Variants in NID2 observed in about 807,000 individuals in gnomAD.
NID2 encodes nidogen 2, also known as nidogen-2.
A neutral mutation model predicts 145.4 loss-of-function variants in NID2; 83 were observed. The ratio of observed to expected loss-of-function variants is 0.57; its 90% CI spans 0.48 to 0.69. NID2 has a LOEUF of 0.69. NID2 is among the 30% of genes least tolerant of loss of function. The pLI is 0.00. For synonymous variants in NID2, 739 were observed against 701.3 expected, an observed-to-expected ratio of 1.05 and a Z score of -0.85; for missense variants, 1,807 against 1,765.7, an observed-to-expected ratio of 1.02 and a Z score of -0.42.
chr14:52,045,854 C>G (rs920260698), intron 5 of NID2, among the ~76,000 whole-genome samples: 2 of 151,558 alleles, frequency 1.3e-5, no homozygotes, highest in African/African-American at 4.9e-5. Context: ...AGCTCTAGGA[C>G]TCAACCTCAG....
chr14:52,006,409 G>A, intron 20 of NID2, 128 bp downstream of exon 20: 1 of 924,202 alleles, frequency 1.1e-6, no homozygotes, highest in Non-Finnish European at 1.7e-6. Context: ...TGCCAATGAG[G>A]AGGTGATGAA....
At chr14:52,019,492 C>G (rs117114022) in intron 13 of NID2, among the ~76,000 whole-genome samples, 198 bp from the exon 14 acceptor site, 2,107 of 152,290 alleles carry the variant, frequency 0.014, 24 homozygotes, top group Non-Finnish European at 0.022. Context: ...CTAGCTGGCT[C>G]TAAGTGTAAA....
Position 52,038,796 on chromosome 14 carries a change from T to TTCG in NID2, c.2205_2207dup (p.Asp735dup), listed in dbSNP as rs1262161562. On this transcript the variant is annotated inframe_insertion, in exon 9 of 22. Coordinates refer to ENST00000216286, the MANE Select transcript of NID2 (RefSeq NM_007361.4). ...TCACAGCAAATCTAAGCACTCTTTC[T>TTCG]TCGTCATTATACAAGGCAAAGACCC... is the stretch of plus-strand genomic sequence containing the variant. 6.2e-7 allele frequency: 1 copy of TTCG among 1,610,214 alleles called. No homozygotes were observed. Among genetic ancestry groups the TTCG allele is most frequent in the East Asian group, 2.2e-5 (1 of 44,796 alleles).
At chr14:52,035,551 C>G (rs1892029383) in intron 9 of NID2, among the ~76,000 whole-genome samples, 1 of 152,184 alleles carries the variant, frequency 6.6e-6, no homozygotes, top group Admixed American at 6.5e-5. Flanking sequence ...GTGGCCAACT[C>G]TGGCCTCAAA....
At chr14:52,022,479 A>G (rs1024153264) in intron 12 of NID2, among the ~76,000 whole-genome samples, 1 of 152,132 alleles carries the variant, frequency 6.6e-6, no homozygotes, top group African/African-American at 2.4e-5. Flanking sequence ...GAGAGAAAAC[A>G]TGGAAAGACT....
intron 5 of NID2, among the ~76,000 whole-genome samples, chr14:52,046,186 G>A (rs1417616987): frequency 6.6e-6 from 1 of 152,006 alleles, no homozygotes; most frequent in Non-Finnish European, 1.5e-5. Context: ...AGCCAGGCGT[G>A]GTGGTGGGCG....
At position 52,040,777 on chromosome 14, in the gene NID2, C is replaced by T. The variant is rs1283175404; in HGVS notation, c.1900G>A (p.Glu634Lys). 1 of 1,614,170 alleles carries T rather than the reference C, an allele frequency of 6.2e-7. No individual in the cohort carries two copies. Among genetic ancestry groups the T allele is most frequent in the South Asian group, 1.1e-5 (1 of 91,082 alleles). The change falls in exon 8 of 22, where the codon GAG becomes AAG. Residue 634 changes from glutamate (E) to lysine (K), a missense_variant. Coordinates refer to ENST00000216286, the MANE Select transcript of NID2 (RefSeq NM_007361.4). ...EETVRITQTA[E>K]GLDPENYLSI... ...AGGTAGTTCTCTGGGTCAAGTCCCT[C>T]AGCAGTTTGAGTGATACGAACCGTC... is the stretch of plus-strand genomic sequence containing the variant.
At position 52,039,259 on chromosome 14, in the gene NID2, C is replaced by T. The variant is rs546405596; in HGVS notation, c.2027-282G>A. ...GCCAACAGTGCTCTCTACATACTGC[C>T]TCATTTATTCCTCACAACAGCCTGG... is the stretch of plus-strand genomic sequence containing the variant. On this transcript the variant is annotated intron_variant, in intron 8 of 21. Transcript: ENST00000216286. Among the ~76,000 whole-genome samples the T allele has an allele frequency of 2.4e-4, 37 of 152,298 alleles. 1 individual carries two copies. Among genetic ancestry groups the T allele is most frequent in the Middle Eastern group, 3.4e-3 (1 of 294 alleles).
In NID2 at chr14:52,029,824, T is replaced by C. The variant is rs935213308; in HGVS notation, c.2258-134A>G. The C allele has an allele frequency of 1.4e-5, 10 of 689,828 alleles. No individual in the cohort carries two copies. In the African/African-American group the frequency reaches 1.6e-4, roughly 11 times the overall value. 42.7% of individuals were successfully genotyped at this position (689,828 alleles called of 1,614,324 possible). A position where few individuals can be genotyped will look rare whatever the true frequency, so the allele number is the denominator to read the frequency against. On this transcript the variant is annotated intron_variant, in intron 9 of 21. Coordinates refer to ENST00000216286, the MANE Select transcript of NID2 (RefSeq NM_007361.4). ...CCGGAAGACCTTACTAAATTATCCA[T>C]ATCTGAAGCTAGGGTGGATTTTCTG...
intron 9 of NID2, among the ~76,000 whole-genome samples, chr14:52,032,361 T>C (rs1828016991): frequency 6.6e-6 from 1 of 152,222 alleles, no homozygotes; most frequent in Non-Finnish European, 1.5e-5. Flanking sequence ...CCTGATGAAC[T>C]ATGTCAGCAT....
intron 3 of NID2, among the ~76,000 whole-genome samples, chr14:52,055,272 C>T (rs1448706748): frequency 6.6e-6 from 1 of 152,180 alleles, no homozygotes; most frequent in Non-Finnish European, 1.5e-5. Context: ...TATATTATGA[C>T]AGAAAACCAT....
chr14:52,020,318 GA>G, intron 12 of NID2, 140 bp from the exon 13 acceptor site: 1 of 1,378,920 alleles, frequency 7.3e-7, no homozygotes, highest in Non-Finnish European at 9.6e-7. Flanking sequence ...AGCATGAGCA[GA>G]AAAATGCTGA....
At chr14:52,044,500 G>A (rs2140407134) in intron 5 of NID2, among the ~76,000 whole-genome samples, 2 of 152,214 alleles carry the variant, frequency 1.3e-5, no homozygotes, top group African/African-American at 4.8e-5. Flanking sequence ...CTGATCTCCT[G>A]ACCTCGTGAT....
intron 18 of NID2, 42 bp downstream of exon 18, chr14:52,010,834 A>G (rs1789050479): frequency 6.3e-7 from 1 of 1,590,882 alleles, no homozygotes; most frequent in Admixed American, 1.7e-5. Flanking sequence ...GCTTCACATC[A>G]GGATCTACAG....
In NID2 at chr14:52,019,310, C is replaced by A; in HGVS notation, c.2795-16G>T. 1 of 1,549,368 alleles carries A rather than the reference C, an allele frequency of 6.5e-7. No homozygotes were observed. The highest frequency in any genetic ancestry group is 8.8e-7 in the Non-Finnish European group (1 of 1,139,046). On this transcript the variant is annotated splice_polypyrimidine_tract_variant and intron_variant, in intron 13 of 21. Coordinates refer to ENST00000216286, the MANE Select transcript of NID2 (RefSeq NM_007361.4). ...GAGGTGGAGTCTTCCAGGATCAAGG[C>A]AGAGGAAGACACAAAAGAGAAATAG...
chr14:52,029,441 G>T, intron 10 of NID2, 106 bp downstream of exon 10: 1 of 1,014,836 alleles, frequency 9.9e-7, no homozygotes, highest in Non-Finnish European at 1.5e-6. Context: ...CATTGACAAT[G>T]GAGGTTGTAA....
At chr14:52,067,317 CTA>C (rs1302697021) in intron 2 of NID2, among the ~76,000 whole-genome samples, 1 of 152,122 alleles carries the variant, frequency 6.6e-6, no homozygotes, top group Non-Finnish European at 1.5e-5. Context: ...TTACAATACA[CTA>C]TTCTGTGAAA....
Position 52,011,567 on chromosome 14 carries a change from C to A in NID2, c.3537G>T (p.Thr1179=). The A allele has an allele frequency of 6.2e-7, 1 of 1,614,182 alleles. No homozygotes were observed. Among genetic ancestry groups the A allele is most frequent in the Non-Finnish European group, 8.5e-7 (1 of 1,180,028 alleles). ...AGLELGAEPE[T]IVNSGLISPE... ...GAAGCTGCTGACCTGAATTCACGAT[C>A]GTCTCAGGCTCTGCTCCCAGTTCCA... Residue 1179 remains threonine, a synonymous_variant, in exon 17 of 22, where the codon ACG becomes ACT. Transcript: ENST00000216286.
At position 52,015,199 on chromosome 14, in the gene NID2, C is replaced by T. The variant is rs946615; in HGVS notation, c.3105G>A (p.Arg1035=). 486,770 of 1,613,284 alleles carry T rather than the reference C, an allele frequency of 0.3. 81,606 individuals are homozygous for T. The highest frequency in any genetic ancestry group is 0.7 in the East Asian group (31,387 of 44,764). Residue 1035 remains arginine, a synonymous_variant, in exon 15 of 22, where the codon CGG becomes CGA. Transcript: ENST00000216286. ...NLLEHYGGTP[R]DDQYVPQCDD... ...CGCACTGGGGCACGTACTGGTCATC[C>T]CGGGGGGTGCCACCGTAGTGCTCCA...
Sources: allele counts gnomAD v4.1 joint callset (sites outside exome capture counted in the v4.1 genomes callset), GRCh38; gene constraint gnomAD v4.1.1; transcripts MANE v1.5; gene names NCBI Gene and HGNC (gene_info 2026-07-23, HGNC 2026-07-21).